Variants in PCNX3 observed in about 807,000 individuals in gnomAD.
The protein encoded by PCNX3 is pecanex-like protein 3.
Under a neutral mutation model 207.2 loss-of-function variants are expected in PCNX3, and 58 were observed. The ratio of observed to expected loss-of-function variants is 0.28; its 90% CI spans 0.23 to 0.35. The LOEUF is 0.35. PCNX3 is among the 10% of genes least tolerant of loss of function. The pLI is 1.00. For synonymous variants in PCNX3, 1,337 were observed against 1,183.5 expected (o/e 1.13, Z -2.66); for missense variants, 2,410 against 2,774.4 (o/e 0.87, Z 2.95).
At chr11:65,619,480 T>A in intron 6 of PCNX3, 57 bp from the exon 7 acceptor site, 1 of 1,585,784 alleles carries the variant, frequency 6.3e-7, no homozygotes, top group African/African-American at 1.3e-5. Flanking sequence ...CCAACCTTAC[T>A]CCCCCAGCCT....
In PCNX3 at chr11:65,619,062, G is replaced by C. The variant is rs758747449; in HGVS notation, c.1700G>C (p.Gly567Ala). The change falls in exon 6 of 35, where the codon GGG becomes GCG. Residue 567 changes from glycine to alanine, a missense_variant. Physicochemically the swap from Gly to Ala is moderately conservative, Grantham distance 60. Coordinates refer to ENST00000355703, the MANE Select transcript of PCNX3 (RefSeq NM_032223.4). ...GAGCTGCAGGAGGAAGGTGCTGTGGGGGGAGGTGAGTGCTTGCTCTAGAGG... is the reference window on the plus strand; with the variant it reads ...GAGCTGCAGGAGGAAGGTGCTGTGGCGGGAGGTGAGTGCTTGCTCTAGAGG... ...RGELQEEGAVGGAAEETGRRD... is the reference protein window; with the variant it reads ...RGELQEEGAVAGAAEETGRRD... 3.1e-6 allele frequency: 5 copies of C among 1,588,362 alleles called. No homozygotes were observed. Among genetic ancestry groups the C allele is most frequent in the Non-Finnish European group, 4.3e-6 (5 of 1,174,910 alleles).
Position 65,626,993 on chromosome 11 carries a change from G to A in PCNX3, c.3469G>A (p.Ala1157Thr), listed in dbSNP as rs369834909. The change falls in exon 21 of 35, where the codon GCC (alanine) becomes ACC (threonine). Residue 1157 changes from alanine (A) to threonine (T), a missense_variant. This residue lies in a region of PCNX3 where 333 missense variants were observed against 386.8 expected (regional missense o/e 0.86). Coordinates refer to ENST00000355703, the MANE Select transcript of PCNX3 (RefSeq NM_032223.4). ...YLIYPAVVLNALTVDAHTVVS... is the reference protein window; with the variant it reads ...YLIYPAVVLNTLTVDAHTVVS... ...CATCTACCCCGCCGTGGTGCTCAAC[G>A]CCCTCACGGTGGACGCCCACACAGT... 16 of 1,553,224 alleles carry A rather than the reference G, an allele frequency of 1.0e-5. No homozygotes were observed. The highest frequency in any genetic ancestry group is 1.4e-5 in the African/African-American group (1 of 73,100).
At chr11:65,634,849 T>C in intron 29 of PCNX3, 124 bp from the exon 30 acceptor site, 1 of 1,372,384 alleles carries the variant, frequency 7.3e-7, no homozygotes. Flanking sequence ...GAGATTGGCC[T>C]CTTTGTCAAG....
At position 65,625,311 on chromosome 11, in the gene PCNX3, C is replaced by T. The variant is rs779599467; in HGVS notation, c.3029+31C>T. ...TGTGCTCCGGGTCGTGTGTTTGTGT[C>T]TGCCCAGTAGGGGTTTGTGGTCTGT... On this transcript the variant is annotated intron_variant, in intron 17 of 34. Coordinates refer to ENST00000355703, the MANE Select transcript of PCNX3 (RefSeq NM_032223.4). This position sits in a 1 kb window ranked among gnomAD's most constrained non-coding sequence, Gnocchi z 5.6. The T allele has an allele frequency of 6.3e-7, 1 of 1,595,998 alleles. No homozygotes were observed. Among genetic ancestry groups the T allele is most frequent in the Non-Finnish European group, 8.5e-7 (1 of 1,170,474 alleles).
chr11:65,622,258 T>A lies in PCNX3; in HGVS notation c.2249T>A (p.Met750Lys). ...PLEIPEEQTL[M>K]EEAPPRAQHS... Reference sequence around the variant, plus strand: ...CACGAATCCCAGGAGCAGACACTGATGGAAGAAGCGCCACCCCGGGCCCAG... The same window carrying A: ...CACGAATCCCAGGAGCAGACACTGAAGGAAGAAGCGCCACCCCGGGCCCAG... The change falls in exon 11 of 35, where the codon ATG becomes AAG. Residue 750 changes from methionine (M) to lysine (K), a missense_variant. Physicochemically the swap from Met to Lys is moderately conservative, Grantham distance 95. Transcript: ENST00000355703. 6.2e-7 allele frequency: 1 copy of A among 1,603,864 alleles called. No homozygotes were observed. Among genetic ancestry groups the A allele is most frequent in the Non-Finnish European group, 8.5e-7 (1 of 1,175,718 alleles).
rs1855053296 is a variant in PCNX3, at chr11:65,620,841, T to A, written c.2110T>A (p.Ser704Thr). ...CTGCTGTTCTCACAGGGACCGACAC[T>A]CGCATTCCTCCAGCTTCCACTCGGC... ...QTANGAWDRH[S>T]HSSSFHSADV... Residue 704 changes from serine (S) to threonine (T), a missense_variant, in exon 10 of 35, where the codon TCG becomes ACG. By Grantham distance (58) the Ser-to-Thr change is moderately conservative (BLOSUM62 1). Coordinates refer to ENST00000355703, the MANE Select transcript of PCNX3 (RefSeq NM_032223.4). 2.5e-6 allele frequency: 4 copies of A among 1,595,292 alleles called. No homozygotes were observed. The highest frequency in any genetic ancestry group is 3.4e-6 in the Non-Finnish European group (4 of 1,171,952).
chr11:65,629,852 C>G, intron 26 of PCNX3, 117 bp downstream of exon 26: 1 of 1,197,388 alleles, frequency 8.4e-7, no homozygotes. Flanking sequence ...TGGCGGGTGG[C>G]CTTGGGCAAG....
At chr11:65,620,798 G>GT (rs750989983) in intron 9 of PCNX3, 33 bp from the exon 10 acceptor site, 1 of 1,586,878 alleles carries the variant, frequency 6.3e-7, no homozygotes, top group South Asian at 1.2e-5. Context: ...GGGCTCGCCC[G>GT]TGGGGGGATC....
chr11:65,631,490 C>G (rs7106444), intron 27 of PCNX3, among the ~76,000 whole-genome samples: 4,386 of 152,194 alleles, frequency 0.029, 185 homozygotes, highest in African/African-American at 0.099. Context: ...AACCCCATCT[C>G]TACTAAAAAT....
In PCNX3 at chr11:65,629,683, C is replaced by G; in HGVS notation, c.4164C>G (p.Ile1388Met). The G allele has an allele frequency of 6.4e-7, 1 of 1,566,404 alleles. No individual in the cohort carries two copies. The highest frequency in any genetic ancestry group is 8.7e-7 in the Non-Finnish European group (1 of 1,155,798). Reference sequence around the variant, plus strand: ...ACCTCAACGCCCTGGTGCACCTCATCGAGGTTGGCAATGGCCTCGTCACCT... The same window carrying G: ...ACCTCAACGCCCTGGTGCACCTCATGGAGGTTGGCAATGGCCTCGTCACCT... Reference protein sequence around the residue: ...SDYLNALVHLIEVGNGLVTFQ... With the variant: ...SDYLNALVHLMEVGNGLVTFQ... The change falls in exon 26 of 35, where the codon ATC (isoleucine) becomes ATG (methionine). Residue 1388 changes from isoleucine (I) to methionine (M), a missense_variant. Around this residue, in one of 8 missense-constraint regions of PCNX3, gnomAD observed 420 missense variants for 705.3 expected, o/e 0.60. Coordinates refer to ENST00000355703, the MANE Select transcript of PCNX3 (RefSeq NM_032223.4).
rs1243188227 is a variant in PCNX3, at chr11:65,626,069, C to T, written c.3379+15C>T. The T allele has an allele frequency of 1.3e-6, 2 of 1,588,672 alleles. No individual in the cohort carries two copies. Among genetic ancestry groups the T allele is most frequent in the Non-Finnish European group, 1.7e-6 (2 of 1,169,210 alleles). On this transcript the variant is annotated intron_variant, in intron 20 of 34. Transcript: ENST00000355703. ...TGAAGTGCGCGGTGAGTGCCCACCCCTGATGGCCAGGCCTGGGCAGTGGCT... is the reference window on the plus strand; with the variant it reads ...TGAAGTGCGCGGTGAGTGCCCACCCTTGATGGCCAGGCCTGGGCAGTGGCT...
At position 65,616,254 on chromosome 11, in the gene PCNX3, C is replaced by T. The variant is rs952429348; in HGVS notation, c.-58C>T. 5.0e-6 allele frequency: 7 copies of T among 1,413,552 alleles called. No homozygotes were observed. Among genetic ancestry groups the T allele is most frequent in the African/African-American group, 1.5e-5 (1 of 68,350 alleles). 87.6% of individuals were successfully genotyped at this position (1,413,552 alleles called of 1,614,324 possible). A position where few individuals can be genotyped will look rare whatever the true frequency, so the allele number is the denominator to read the frequency against. ...CTCAGGCGCCAGACGGGGCATGGGCCGGGGGCCGCCCCCATGAGGGTCCCG... is the reference window on the plus strand; with the variant it reads ...CTCAGGCGCCAGACGGGGCATGGGCTGGGGGCCGCCCCCATGAGGGTCCCG... On this transcript the variant is annotated 5_prime_UTR_variant, in exon 1 of 35. Coordinates refer to ENST00000355703, the MANE Select transcript of PCNX3 (RefSeq NM_032223.4).
At chr11:65,626,289 C>G (rs1489341849) in intron 20 of PCNX3, 3 of 686,312 alleles carry the variant, frequency 4.4e-6, no homozygotes, top group Non-Finnish European at 7.9e-6. Context: ...CTGGTCCTGC[C>G]CTCCTTCCTG....
chr11:65,630,300 G>C, intron 26 of PCNX3, 51 bp from the exon 27 acceptor site: 1 of 1,585,882 alleles, frequency 6.3e-7, no homozygotes, highest in Non-Finnish European at 8.6e-7. Flanking sequence ...CCAGGACAGG[G>C]CAGGTAGGGA....
rs1053648647 is a variant in PCNX3 at position 65,618,023 on chromosome 11, G to C, written c.661G>C (p.Ala221Pro). 3 of 1,609,116 alleles carry C rather than the reference G, an allele frequency of 1.9e-6. No homozygotes were observed. Among genetic ancestry groups the C allele is most frequent in the Admixed American group, 3.4e-5 (2 of 59,484 alleles). The change falls in exon 6 of 35, where the codon GCT (alanine) becomes CCT (proline). Residue 221 changes from alanine to proline, a missense_variant. Physicochemically the swap from Ala to Pro is conservative, Grantham distance 27. Transcript: ENST00000355703. ...AGACTCTTCAGAGCCTTCTCCCCTG[G>C]CTGGAGATGGAGCGCCCTGGAGTGG... is the stretch of plus-strand genomic sequence containing the variant. Reference protein sequence around the residue: ...STDSSEPSPLAGDGAPWSGSS... With the variant: ...STDSSEPSPLPGDGAPWSGSS...
chr11:65,619,780 G>T lies in PCNX3; in HGVS notation c.1856G>T (p.Arg619Leu), dbSNP rs755825350. ...AGCCTGCAGGAAGCTCAGCGGGGCC[G>T]GGCTGCCTCCCACTCCCGGGCGCTG... ...PSSLQEAQRG[R>L]AASHSRALTL... Residue 619 changes from arginine (R) to leucine (L), a missense_variant, in exon 8 of 35, where the codon CGG (arginine) becomes CTG (leucine). By Grantham distance (102) the Arg-to-Leu change is moderately radical (BLOSUM62 -2). Transcript: ENST00000355703. 1 of 1,581,128 alleles carries T rather than the reference G, an allele frequency of 6.3e-7. No homozygotes were observed. Among genetic ancestry groups the T allele is most frequent in the Non-Finnish European group, 8.5e-7 (1 of 1,170,044 alleles).
At position 65,616,483 on chromosome 11, in the gene PCNX3, C is replaced by T. The variant is rs778045230; in HGVS notation, c.153+19C>T. The T allele has an allele frequency of 2.3e-5, 36 of 1,593,380 alleles. No individual in the cohort carries two copies. The highest frequency in any genetic ancestry group is 8.9e-5 in the South Asian group (8 of 89,882). On this transcript the variant is annotated intron_variant, in intron 1 of 34. Transcript: ENST00000355703. Reference sequence around the variant, plus strand: ...GTACATGGTGAGACGCCACGGCCACCTGTAACTCCAGCCGGGAGAGGGAGG... The same window carrying T: ...GTACATGGTGAGACGCCACGGCCACTTGTAACTCCAGCCGGGAGAGGGAGG...
In PCNX3 at chr11:65,618,812, C is replaced by T. The variant is rs749587552; in HGVS notation, c.1450C>T (p.Arg484Trp). 32 of 1,611,422 alleles carry T rather than the reference C, an allele frequency of 2.0e-5. No individual in the cohort carries two copies. Among genetic ancestry groups the T allele is most frequent in the Admixed American group, 5.0e-5 (3 of 59,858 alleles). The change falls in exon 6 of 35, where the codon CGG becomes TGG. Residue 484 changes from arginine to tryptophan, a missense_variant. This residue lies in a region of PCNX3 where 1,104 missense variants were observed against 970.3 expected (regional missense o/e 1.14). Transcript: ENST00000355703. ...AEEGTAVPPK[R>W]PYGTQRTPST... ...GGAGGGAACTGCTGTGCCCCCCAAG[C>T]GGCCATATGGGACCCAGCGGACGCC...
Position 65,636,423 on chromosome 11 carries a change from G to A in PCNX3, c.5626G>A (p.Gly1876Ser), listed in dbSNP as rs755331224. The A allele has an allele frequency of 1.9e-6, 3 of 1,555,288 alleles. No homozygotes were observed. Among genetic ancestry groups the A allele is most frequent in the South Asian group, 2.4e-5 (2 of 82,228 alleles). ...NGDQPLPPGP[G>S]WGPRSSLSGS... ...TGACCAACCCCTCCCACCAGGCCCT[G>A]GCTGGGGGCCGCGGTCCTCCCTGAG... The change falls in exon 34 of 35, where the codon GGC becomes AGC. Residue 1876 changes from glycine to serine, a missense_variant. Gly to Ser is a moderately conservative substitution (Grantham distance 56, BLOSUM62 0). Around this residue, in one of 8 missense-constraint regions of PCNX3, gnomAD observed 278 missense variants for 245.1 expected, o/e 1.13. Coordinates refer to ENST00000355703, the MANE Select transcript of PCNX3 (RefSeq NM_032223.4).
Sources: gnomAD v4.1 joint callset for allele counts (sites outside exome capture counted in the v4.1 genomes callset) on GRCh38, gnomAD v4.1.1 for gene constraint, gnomAD v4.1.1 regional missense constraint, Gnocchi (gnomAD v3.1) non-coding constraint, MANE v1.5 for transcripts, NCBI Gene and HGNC (gene_info 2026-07-23, HGNC 2026-07-21) for gene names.